The following CPSF7 variants were observed in gnomAD, a reference collection of about 807,000 sequenced individuals.
CPSF7 encodes cleavage and polyadenylation specific factor 7, also known as cleavage and polyadenylation specificity factor subunit 7.
Under a neutral mutation model 44.3 loss-of-function variants are expected in CPSF7, and 1 was observed. The ratio of observed to expected loss-of-function variants is 0.02; its 90% CI spans 0.01 to 0.11. The LOEUF (loss-of-function observed/expected upper bound fraction) is 0.11. Ranked by LOEUF, CPSF7 falls within the 10% of genes least tolerant of loss-of-function variation. CPSF7 has a pLI of 1.00. For synonymous variants in CPSF7, 202 were observed against 222.0 expected (o/e 0.91, Z 0.80); for missense variants, 443 against 607.2 (o/e 0.73, Z 2.84).
rs1859051065 is a variant in CPSF7, at chr11:61,403,416, T to C, written c.*1294A>G. On this transcript the variant is annotated 3_prime_UTR_variant, in exon 10 of 10. Transcript: ENST00000439958. ...AGCAGCAACCACATTACAATTTGGA[T>C]GTTATGGAAAAGCAATTCCATTTGC... 6.6e-6 allele frequency: 1 copy of C among 152,150 alleles called. No individual in the cohort carries two copies. The highest frequency in any genetic ancestry group is 2.4e-5 in the African/African-American group (1 of 41,422). 9.4% of individuals were successfully genotyped at this position (152,150 alleles called of 1,614,324 possible).
At chr11:61,429,161 A>G (rs1861686455) in intron 2 of CPSF7, 21 bp downstream of exon 2, 8 of 1,409,478 alleles carry the variant, frequency 5.7e-6, no homozygotes, top group Non-Finnish European at 8.0e-6. Flanking sequence ...GAAAATCCCA[A>G]AGCTCCTGAT....
At chr11:61,408,684 A>C (rs1565099003) in intron 9 of CPSF7, among the ~76,000 whole-genome samples, 1 of 152,174 alleles carries the variant, frequency 6.6e-6, no homozygotes, top group Admixed American at 6.5e-5. Context: ...GATGCAACCT[A>C]AAGACACAGC....
At chr11:61,417,492 G>A (rs1326149304) in intron 5 of CPSF7, among the ~76,000 whole-genome samples, 1 of 152,206 alleles carries the variant, frequency 6.6e-6, no homozygotes, top group Non-Finnish European at 1.5e-5. Flanking sequence ...CTTTGGGGGG[G>A]TCTTGGAGAT....
At chr11:61,416,629 A>C in intron 5 of CPSF7, 110 bp from the exon 6 acceptor site, 2 of 1,133,840 alleles carry the variant, frequency 1.8e-6, no homozygotes, top group East Asian at 4.8e-5. Context: ...GTGACTAAAG[A>C]GGCTGAGAAG....
At position 61,411,109 on chromosome 11, in the gene CPSF7, T is replaced by A. The variant is rs1477560497; in HGVS notation, c.1227-4A>T. 6.2e-7 allele frequency: 1 copy of A among 1,604,460 alleles called. No homozygotes were observed. Among genetic ancestry groups the A allele is most frequent in the Non-Finnish European group, 8.5e-7 (1 of 1,177,136 alleles). The stretch of plus-strand genomic sequence containing the variant: ...TTCCCGGGAGCGATGTCTTTTCCTA[T>A]TAGAAAGATCCTTCAGCCTCACTCA... On this transcript the variant is annotated splice_polypyrimidine_tract_variant and splice_region_variant and intron_variant, in intron 8 of 9. Transcript: ENST00000439958.
intron 2 of CPSF7, among the ~76,000 whole-genome samples, chr11:61,428,488 A>G (rs1030063610): frequency 1.3e-5 from 2 of 152,172 alleles, no homozygotes; most frequent in Non-Finnish European, 2.9e-5. Flanking sequence ...GCCCAGCTCT[A>G]GATAAATTTC....
intron 5 of CPSF7, among the ~76,000 whole-genome samples, chr11:61,418,714 TTTC>T (rs1188304096): frequency 1.3e-5 from 2 of 149,730 alleles, no homozygotes; most frequent in African/African-American, 5.1e-5. Flanking sequence ...CTGAGGTAAC[TTTC>T]TTTTTTCTTT....
At chr11:61,418,025 G>C (rs1392063593) in intron 5 of CPSF7, among the ~76,000 whole-genome samples, 1 of 152,206 alleles carries the variant, frequency 6.6e-6, no homozygotes, top group Non-Finnish European at 1.5e-5. Flanking sequence ...CCTAAGGAAA[G>C]TCAGGGGTGA....
At chr11:61,422,824 C>T (rs1387424823) in intron 2 of CPSF7, among the ~76,000 whole-genome samples, 1 of 152,098 alleles carries the variant, frequency 6.6e-6, no homozygotes, top group Non-Finnish European at 1.5e-5. Flanking sequence ...TACTACGATA[C>T]AGGACCTTAA....
intron 3 of CPSF7, chr11:61,421,093 G>T: frequency 7.3e-7 from 1 of 1,374,714 alleles, no homozygotes; most frequent in Non-Finnish European, 9.6e-7. Context: ...AAGAGTTCAA[G>T]GTGTTCACTC....
chr11:61,429,441 G>A (rs12281296), intron 1 of CPSF7, 151 bp from the exon 2 acceptor site: 28,720 of 520,154 alleles, frequency 0.055, 4,651 homozygotes, highest in African/African-American at 0.42. Flanking sequence ...CCGGCCTCGC[G>A]CCGCCCACCG....
At chr11:61,427,097 CAT>C (rs1861442118) in intron 2 of CPSF7, 2 of 118,498 alleles carry the variant, frequency 1.7e-5, no homozygotes, top group African/African-American at 6.4e-5. Context: ...GGGGGAAAAA[CAT>C]AATCTGCAAA....
At chr11:61,428,468 G>C (rs901332205) in intron 2 of CPSF7, among the ~76,000 whole-genome samples, 1 of 152,170 alleles carries the variant, frequency 6.6e-6, no homozygotes, top group Non-Finnish European at 1.5e-5. Context: ...TTACAGTCAA[G>C]AGCCACCTTG....
chr11:61,416,248 A>T lies in CPSF7; in HGVS notation c.795T>A (p.Pro265=), dbSNP rs755607846. 4 of 1,531,700 alleles carry T rather than the reference A, an allele frequency of 2.6e-6. No homozygotes were observed. Among genetic ancestry groups the T allele is most frequent in the Non-Finnish European group, 3.5e-6 (4 of 1,141,688 alleles). The allele number at this position is 1,531,700 out of a possible 1,614,324, so 94.9% of individuals were successfully genotyped here. The change falls in exon 6 of 10, where the codon CCT becomes CCA. Residue 265 remains proline, a synonymous_variant. Coordinates refer to ENST00000439958, the MANE Select transcript of CPSF7 (RefSeq NM_001142565.3). ...QHLMPPPPRL[P]PHLAVPPPGA... Reference sequence around the variant, plus strand: ...CAGGGGGAGGTACAGCAAGATGAGGAGGTAATCGAGGAGGTGGGGGCATGA... The same window carrying T: ...CAGGGGGAGGTACAGCAAGATGAGGTGGTAATCGAGGAGGTGGGGGCATGA...
At chr11:61,425,694 T>C (rs1861279795) in intron 2 of CPSF7, among the ~76,000 whole-genome samples, 1 of 152,214 alleles carries the variant, frequency 6.6e-6, no homozygotes, top group Admixed American at 6.5e-5. Context: ...TTTCTTTTAA[T>C]TGTAACCAAG....
chr11:61,409,498 C>G (rs968971746), intron 9 of CPSF7, among the ~76,000 whole-genome samples: 2 of 151,934 alleles, frequency 1.3e-5, no homozygotes, highest in Non-Finnish European at 1.5e-5. Flanking sequence ...AACACAACAA[C>G]AAAATAAACA....
At chr11:61,422,253 AC>A (rs1458429211) in intron 2 of CPSF7, among the ~76,000 whole-genome samples, 1 of 152,188 alleles carries the variant, frequency 6.6e-6, no homozygotes, top group Non-Finnish European at 1.5e-5. Flanking sequence ...GTTTTCCCCT[AC>A]TAAGTTCTAT....
chr11:61,428,583 C>T (rs1422998855), intron 2 of CPSF7, among the ~76,000 whole-genome samples: 2 of 152,184 alleles, frequency 1.3e-5, no homozygotes, highest in African/African-American at 2.4e-5. Flanking sequence ...ACTGGTTTGT[C>T]TAACGTCTTT....
intron 2 of CPSF7, among the ~76,000 whole-genome samples, chr11:61,425,337 T>C (rs1180080892): frequency 1.3e-5 from 2 of 152,228 alleles, no homozygotes; most frequent in African/African-American, 4.8e-5. Context: ...CAGTAATAGA[T>C]TAAAGTAAAA....
Sources: allele counts gnomAD v4.1 joint callset (sites outside exome capture counted in the v4.1 genomes callset), GRCh38; gene constraint gnomAD v4.1.1; transcripts MANE v1.5; gene names NCBI Gene and HGNC (gene_info 2026-07-23, HGNC 2026-07-21).